TUBGCP5: variants seen among roughly 807,000 people sequenced by gnomAD.
TUBGCP5 encodes the protein tubulin gamma complex component 5.
TUBGCP5 carries 98 observed loss-of-function variants against 134.7 expected under a neutral mutation model. The ratio of observed to expected loss-of-function variants is 0.73; its 90% CI spans 0.62 to 0.86. The LOEUF (loss-of-function observed/expected upper bound fraction) is 0.86, where lower values mean the gene tolerates loss of function less well. Among genes scored for constraint, TUBGCP5 ranks in the 40% least tolerant of loss-of-function variants. The pLI, the probability that TUBGCP5 is intolerant of heterozygous loss-of-function variation, is 0.00. For synonymous variants in TUBGCP5, 456 were observed against 431.4 expected, an observed-to-expected ratio of 1.06 and a Z score of -0.71; for missense variants, 1,150 against 1,244.8, an observed-to-expected ratio of 0.92 and a Z score of 1.15.
chr15:23,034,483 G>A (rs1017570428), intron 3 of TUBGCP5, among the ~76,000 whole-genome samples: 4 of 152,176 alleles, frequency 2.6e-5, no homozygotes, highest in Admixed American at 2.0e-4. Context: ...TCAAAGAATC[G>A]AAGTGTTCCA....
intron 9 of TUBGCP5, 45 bp downstream of exon 9, chr15:23,024,692 A>T: frequency 9.6e-7 from 1 of 1,039,212 alleles, no homozygotes; most frequent in Non-Finnish European, 1.4e-6. Context: ...TTACTAGTTT[A>T]CATAAATCCT....
At chr15:23,026,691 G>C (rs1222399749) in intron 7 of TUBGCP5, among the ~76,000 whole-genome samples, 1 of 152,108 alleles carries the variant, frequency 6.6e-6, no homozygotes, top group African/African-American at 2.4e-5. Flanking sequence ...CCAGCACTTT[G>C]GGAGGCCGAG....
At chr15:23,017,484 G>T (rs555888834) in intron 13 of TUBGCP5, among the ~76,000 whole-genome samples, 22 of 152,002 alleles carry the variant, frequency 1.4e-4, no homozygotes, top group Non-Finnish European at 2.5e-4. Flanking sequence ...GAAATGGCAG[G>T]GGATTACTTT....
chr15:23,005,883 G>A, intron 18 of TUBGCP5, 169 bp downstream of exon 18: 1 of 729,152 alleles, frequency 1.4e-6, no homozygotes, highest in Non-Finnish European at 2.2e-6. Flanking sequence ...TAAAACTACT[G>A]CTAGAATACG....
rs1191293456 is a variant in TUBGCP5 at position 23,036,918 on chromosome 15, A to C, written c.288T>G (p.Leu96=). ...ATACCTTTATTTCCTTTATACTGGG[A>C]AGTGGTGCATTTAGAAATTCCTCCG... The part of the protein sequence containing the change: ...RLTEEFLNAP[L]PSIKEIKTDA... The change falls in exon 3 of 23, where the codon CTT becomes CTG. Residue 96 remains leucine (L), a synonymous_variant. Transcript: ENST00000615383. 6.2e-7 allele frequency: 1 copy of C among 1,609,792 alleles called. No homozygotes were observed. The highest frequency in any genetic ancestry group is 8.5e-7 in the Non-Finnish European group (1 of 1,176,630).
chr15:23,034,454 T>C (rs1179924933), intron 3 of TUBGCP5, among the ~76,000 whole-genome samples: 1 of 152,148 alleles, frequency 6.6e-6, no homozygotes, highest in Non-Finnish European at 1.5e-5. Flanking sequence ...ATCAGAAATA[T>C]AAGTGGTGAG....
chr15:22,984,099 G>A (rs1451472840), intron 23 of TUBGCP5, among the ~76,000 whole-genome samples: 2 of 151,652 alleles, frequency 1.3e-5, no homozygotes, highest in African/African-American at 2.4e-5. Context: ...CAGGCTGGGC[G>A]ACAGAGCATG....
chr15:22,990,699 T>C (rs995722282), intron 23 of TUBGCP5, among the ~76,000 whole-genome samples: 3 of 152,208 alleles, frequency 2.0e-5, no homozygotes, highest in Non-Finnish European at 2.9e-5. Context: ...TATAGCAGCC[T>C]TAACAGACTA....
intron 1 of TUBGCP5, among the ~76,000 whole-genome samples, chr15:23,037,407 C>A (rs970347970): frequency 6.6e-6 from 1 of 152,134 alleles, no homozygotes; most frequent in Non-Finnish European, 1.5e-5. Flanking sequence ...CTCTGTCTTC[C>A]CATAAGCCCC....
chr15:23,027,991 T>C (rs2066078631), intron 6 of TUBGCP5, among the ~76,000 whole-genome samples: 1 of 152,172 alleles, frequency 6.6e-6, no homozygotes, highest in African/African-American at 2.4e-5. Context: ...CTCTATCTTA[T>C]ACAAGTTGTT....
intron 13 of TUBGCP5, among the ~76,000 whole-genome samples, chr15:23,014,356 A>C (rs1226804724): frequency 6.6e-6 from 1 of 152,218 alleles, no homozygotes. Flanking sequence ...GTTGGAGAAG[A>C]AGCCCCATAG....
chr15:23,023,884 T>G, intron 10 of TUBGCP5, 63 bp downstream of exon 10: 1 of 1,530,320 alleles, frequency 6.5e-7, no homozygotes, highest in Non-Finnish European at 8.8e-7. Context: ...TAATAAAAAC[T>G]CTAAGTGGCA....
chr15:23,038,493 T>C (rs1393289858), intron 1 of TUBGCP5, among the ~76,000 whole-genome samples: 1 of 152,196 alleles, frequency 6.6e-6, no homozygotes, highest in Non-Finnish European at 1.5e-5. Context: ...ACTTAAGAAT[T>C]CAGTTTATTA....
chr15:22,993,329 A>C (rs1043213967), intron 23 of TUBGCP5, among the ~76,000 whole-genome samples: 14 of 151,004 alleles, frequency 9.3e-5, no homozygotes, highest in Non-Finnish European at 1.8e-4. Context: ...CGAACTCCTG[A>C]CCTCGTGATT....
intron 19 of TUBGCP5, chr15:23,004,504 G>C (rs999985736): frequency 5.1e-6 from 2 of 393,846 alleles, no homozygotes; most frequent in Non-Finnish European, 9.0e-6. Flanking sequence ...TGGCAGGAAG[G>C]GGCAAGCACA....
chr15:23,004,122 G>C lies in TUBGCP5; in HGVS notation c.2818C>G (p.Arg940Gly). The change falls in exon 20 of 23, where the codon CGG (arginine) becomes GGG (glycine). Residue 940 changes from arginine (R) to glycine (G), a missense_variant. Physicochemically the swap from Arg to Gly is moderately radical, Grantham distance 125. This residue lies in a region of TUBGCP5 where 697 missense variants were observed against 850.1 expected (regional missense o/e 0.82). Transcript: ENST00000615383. ...TGTACCTTTTCTCTCAGCAGACACC[G>C]GTCATGGATGGTTGACAGATACCTA... ...HYRYLSTIHD[R>G]CLLREKVSFV... 1 of 1,611,544 alleles carries C rather than the reference G, an allele frequency of 6.2e-7. No homozygotes were observed. Among genetic ancestry groups the C allele is most frequent in the South Asian group, 1.1e-5 (1 of 90,192 alleles).
chr15:22,987,723 C>T lies in TUBGCP5; in HGVS notation c.*62-4112G>A, dbSNP rs930668157. Among the ~76,000 whole-genome samples, 6 of 151,440 alleles carry T rather than the reference C, an allele frequency of 4.0e-5. No homozygotes were observed. In the South Asian group the frequency reaches 6.3e-4, roughly 16 times the overall value. The stretch of plus-strand genomic sequence containing the variant: ...CATCCTGGCTAACACGGTGAAACCC[C>T]GTCTCTACTAAAAATACAAAAAATT... On this transcript the variant is annotated intron_variant and NMD_transcript_variant, in intron 23 of 23. Transcript: ENST00000614508.
Position 23,003,265 on chromosome 15 carries a change from G to A in TUBGCP5, c.2839-112C>T, listed in dbSNP as rs1408479089. ...GAAAAAGTTCATCACCACAGTGACT[G>A]CCTTCTGTGTATATGGAAGGGTACT... On this transcript the variant is annotated intron_variant, in intron 20 of 22. Coordinates refer to ENST00000615383, the MANE Select transcript of TUBGCP5 (RefSeq NM_052903.6). 9 of 958,860 alleles carry A rather than the reference G, an allele frequency of 9.4e-6. No individual in the cohort carries two copies. The African/African-American group carries it at 9.6e-5, about 10-fold the overall frequency. The allele number at this position is 958,860 out of a possible 1,614,324, so 59.4% of individuals were successfully genotyped here. A position where few individuals can be genotyped will look rare whatever the true frequency, so the allele number is the denominator to read the frequency against.
At chr15:23,011,567 C>A (rs907000609) in intron 13 of TUBGCP5, among the ~76,000 whole-genome samples, 4 of 149,362 alleles carry the variant, frequency 2.7e-5, no homozygotes, top group Admixed American at 1.3e-4. Flanking sequence ...CGCAATGGCG[C>A]CATCTTGGCT....
Sources: allele counts gnomAD v4.1 joint callset (sites outside exome capture counted in the v4.1 genomes callset), GRCh38; gene constraint gnomAD v4.1.1; regional missense constraint gnomAD v4.1.1; transcripts MANE v1.5; gene names NCBI Gene and HGNC (gene_info 2026-07-23, HGNC 2026-07-21).